Variants in AUTS2 observed in about 807,000 individuals in gnomAD.
The protein encoded by AUTS2 is activator of transcription and developmental regulator AUTS2.
Under a neutral mutation model 112.4 loss-of-function variants are expected in AUTS2, and 17 were observed. That is an observed-to-expected ratio of 0.15 (90% CI 0.10 to 0.23). The LOEUF (loss-of-function observed/expected upper bound fraction) is 0.23, where lower values mean the gene tolerates loss of function less well. AUTS2 is among the 10% of genes least tolerant of loss of function. The probability of loss-of-function intolerance (pLI) is 1.00; values close to 1 mark genes in which losing one functional copy is unlikely to be tolerated. For missense variants in AUTS2, 1,510 were observed against 1,701.6 expected (o/e 0.89, Z 1.98); for synonymous variants, 751 against 702.7 (o/e 1.07, Z -1.09).
chr7:69,839,832 A>G (rs1345807574), intron 1 of AUTS2, among the ~76,000 whole-genome samples: 1 of 152,064 alleles, frequency 6.6e-6, no homozygotes, highest in African/African-American at 2.4e-5. Context: ...TAAAGGAAAT[A>G]TGGCAGGAGA....
intron 5 of AUTS2, among the ~76,000 whole-genome samples, chr7:70,619,740 G>A (rs1338763714): frequency 2.0e-5 from 3 of 152,062 alleles, no homozygotes; most frequent in Admixed American, 6.5e-5. Flanking sequence ...GGAAGGATCC[G>A]ACCCCTTTTA....
intron 1 of AUTS2, among the ~76,000 whole-genome samples, chr7:69,657,573 A>G (rs1174646890): frequency 6.6e-6 from 1 of 152,184 alleles, no homozygotes; most frequent in African/African-American, 2.4e-5. Flanking sequence ...AATGATAATT[A>G]AAAAGGATGT....
At chr7:70,788,967 A>C (rs1791695970) in intron 18 of AUTS2, among the ~76,000 whole-genome samples, 2 of 152,218 alleles carry the variant, frequency 1.3e-5, no homozygotes, top group Admixed American at 1.3e-4. Context: ...ACAGGTCTCT[A>C]AAATTCTTGT....
intron 4 of AUTS2, among the ~76,000 whole-genome samples, chr7:70,374,115 C>T (rs1425854321): frequency 6.6e-6 from 1 of 152,104 alleles, no homozygotes. Context: ...CATTCTTGAT[C>T]ATTTCTTTAG....
chr7:69,993,257 T>G (rs967557579), intron 2 of AUTS2, among the ~76,000 whole-genome samples: 1 of 152,154 alleles, frequency 6.6e-6, no homozygotes, highest in African/African-American at 2.4e-5. Context: ...ATGTGGCTAT[T>G]CTTGACTGAT....
chr7:70,625,473 T>C (rs1413536927), intron 5 of AUTS2, among the ~76,000 whole-genome samples: 2 of 152,220 alleles, frequency 1.3e-5, no homozygotes, highest in Non-Finnish European at 2.9e-5. Context: ...TCACCAGTAG[T>C]CAGATGGCAC....
At position 70,716,205 on chromosome 7, in the gene AUTS2, C is replaced by A. The variant is rs10258006; in HGVS notation, c.742+17585C>A. Among the ~76,000 whole-genome samples the A allele has an allele frequency of 1.3e-3, 203 of 152,212 alleles. 1 individual carries two copies. The highest frequency in any genetic ancestry group is 2.9e-3 in the Admixed American group (44 of 15,286). ...ATTCATACAGTAGCCTAGCCAGGTC[C>A]GTCTATTACCTGTGAGAACACTGGT... On this transcript the variant is annotated intron_variant, in intron 6 of 18. Transcript: ENST00000342771.
chr7:70,184,526 G>A (rs2129581457), intron 4 of AUTS2, among the ~76,000 whole-genome samples: 2 of 152,278 alleles, frequency 1.3e-5, no homozygotes, highest in Admixed American at 1.3e-4. Context: ...TTTAGAACAA[G>A]ACCTGACAAC....
chr7:70,671,010 A>T (rs1323585399), intron 5 of AUTS2, among the ~76,000 whole-genome samples: 2 of 152,178 alleles, frequency 1.3e-5, no homozygotes, highest in Non-Finnish European at 2.9e-5. Context: ...CATCTCTAAT[A>T]AAAATACAAA....
At chr7:70,305,887 T>A (rs1004687643) in intron 4 of AUTS2, among the ~76,000 whole-genome samples, 5 of 151,902 alleles carry the variant, frequency 3.3e-5, no homozygotes, top group Admixed American at 3.3e-4. Flanking sequence ...AAGACTCACA[T>A]ACAAAGTATA....
At chr7:69,844,977 C>T (rs1792132649) in intron 1 of AUTS2, among the ~76,000 whole-genome samples, 1 of 152,128 alleles carries the variant, frequency 6.6e-6, no homozygotes, top group South Asian at 2.1e-4. Context: ...AAATAAGATG[C>T]TTTCAATTAT....
At chr7:70,642,329 C>T (rs532931534) in intron 5 of AUTS2, among the ~76,000 whole-genome samples, 1 of 152,296 alleles carries the variant, frequency 6.6e-6, no homozygotes, top group Admixed American at 6.5e-5. Context: ...TATAGTGAAA[C>T]AAATACATAT....
intron 5 of AUTS2, among the ~76,000 whole-genome samples, chr7:70,521,221 C>A (rs906940258): frequency 6.6e-6 from 1 of 152,140 alleles, no homozygotes; most frequent in Non-Finnish European, 1.5e-5. Flanking sequence ...TTGTACATCC[C>A]ATCATCAGCT....
intron 4 of AUTS2, among the ~76,000 whole-genome samples, chr7:70,216,157 C>T (rs1002243030): frequency 1.3e-5 from 2 of 152,168 alleles, no homozygotes; most frequent in African/African-American, 2.4e-5. Context: ...TGGGGTATTA[C>T]AGCTGTTCAG....
At chr7:69,955,349 CTTG>C (rs1207835876) in intron 2 of AUTS2, among the ~76,000 whole-genome samples, 7 of 152,252 alleles carry the variant, frequency 4.6e-5, no homozygotes, top group East Asian at 3.9e-4. Context: ...TGCTATATGT[CTTG>C]TTGTGTGTTT....
intron 2 of AUTS2, among the ~76,000 whole-genome samples, chr7:69,947,546 G>A (rs538490335): frequency 8.1e-4 from 123 of 152,152 alleles, no homozygotes; most frequent in Non-Finnish European, 1.3e-3. Context: ...GTATGTCTAA[G>A]TTTCTACTTA....
intron 1 of AUTS2, among the ~76,000 whole-genome samples, chr7:69,718,180 A>G (rs971766819): frequency 3.9e-5 from 6 of 152,248 alleles, no homozygotes; most frequent in African/African-American, 1.4e-4. Context: ...ATTTTAAGCT[A>G]TTTAGCAAAT....
At chr7:69,963,161 A>C (rs1301212058) in intron 2 of AUTS2, among the ~76,000 whole-genome samples, 3 of 152,142 alleles carry the variant, frequency 2.0e-5, no homozygotes. Context: ...AAATGAAAAT[A>C]AGTTGCTGCA....
At chr7:70,771,833 A>T (rs1790366545) in intron 11 of AUTS2, among the ~76,000 whole-genome samples, 189 bp downstream of exon 11, 1 of 152,120 alleles carries the variant, frequency 6.6e-6, no homozygotes, top group Non-Finnish European at 1.5e-5. Context: ...TGGCCGTGAA[A>T]ATTTACTTTT....
Sources: allele counts gnomAD v4.1 joint callset (sites outside exome capture counted in the v4.1 genomes callset), GRCh38; gene constraint gnomAD v4.1.1; transcripts MANE v1.5; gene names NCBI Gene and HGNC (gene_info 2026-07-23, HGNC 2026-07-21).